The following SMOC2 variants were observed in gnomAD, a reference collection of about 807,000 sequenced individuals.
SMOC2 encodes the protein SPARC related modular calcium binding 2.
SMOC2 carries 39 observed loss-of-function variants against 61.4 expected under a neutral mutation model. The observed-to-expected ratio is 0.64, with a 90% CI of 0.49 to 0.83. The LOEUF is 0.83. Ranked by LOEUF, SMOC2 falls within the 40% of genes least tolerant of loss-of-function variation. The probability of loss-of-function intolerance (pLI) is 0.00; values close to 1 mark genes in which losing one functional copy is unlikely to be tolerated. For synonymous variants in SMOC2, 247 were observed against 239.9 expected (o/e 1.03, Z -0.27); for missense variants, 556 against 592.9 (o/e 0.94, Z 0.65).
chr6:168,499,924 T>G (rs1782683228), intron 1 of SMOC2, among the ~76,000 whole-genome samples: 1 of 152,066 alleles, frequency 6.6e-6, no homozygotes, highest in Non-Finnish European at 1.5e-5. Context: ...GATTGTTAGG[T>G]TAAAGGTACT....
Position 168,607,901 on chromosome 6 carries a change from C to T in SMOC2, c.825-256C>T, listed in dbSNP as rs191154455. On this transcript the variant is annotated intron_variant, in intron 8 of 12. Coordinates refer to ENST00000356284, the MANE Select transcript of SMOC2 (RefSeq NM_001166412.2). The stretch of plus-strand genomic sequence containing the variant: ...TGCTAGATGAGATTCATTTCAGAGA[C>T]GGGATGGAGAGACGGCCCTGCTGTG... 3.8e-3 allele frequency among the ~76,000 whole-genome samples: 358 copies of T among 93,870 alleles called. 2 individuals carry two copies. Among genetic ancestry groups the T allele is most frequent in the African/African-American group, 0.013 (333 of 25,332 alleles). 61.6% of individuals were successfully genotyped at this position (93,870 alleles called of 152,430 possible). A position where few individuals can be genotyped will look rare whatever the true frequency, so the allele number is the denominator to read the frequency against.
At chr6:168,511,684 G>A (rs914692493) in intron 2 of SMOC2, among the ~76,000 whole-genome samples, 6 of 152,238 alleles carry the variant, frequency 3.9e-5, no homozygotes, top group South Asian at 4.1e-4. Flanking sequence ...GTCTTTGCCC[G>A]GTGGCAAACT....
At chr6:168,656,385 C>T (rs1391869203) in intron 11 of SMOC2, among the ~76,000 whole-genome samples, 4 of 151,772 alleles carry the variant, frequency 2.6e-5, no homozygotes, top group African/African-American at 9.7e-5. Context: ...ATGGCTCATG[C>T]CTGTAGTCCC....
At chr6:168,444,808 CA>C (rs537897650) in intron 1 of SMOC2, among the ~76,000 whole-genome samples, 204 of 152,286 alleles carry the variant, frequency 1.3e-3, no homozygotes, top group African/African-American at 4.7e-3. Context: ...TCATGGTTGT[CA>C]TTATATGAAT....
rs1207587186 is a variant in SMOC2, at chr6:168,452,535, A to C, written c.84+11081A>C. Among the ~76,000 whole-genome samples the C allele has an allele frequency of 6.6e-6, 1 of 152,220 alleles. No homozygotes were observed. The highest frequency in any genetic ancestry group is 2.4e-5 in the African/African-American group (1 of 41,434). On this transcript the variant is annotated intron_variant, in intron 1 of 12. Coordinates refer to ENST00000356284, the MANE Select transcript of SMOC2 (RefSeq NM_001166412.2). The surrounding 1 kb of genome is among the most constrained non-coding windows in gnomAD (Gnocchi z 5.0). ...ATATTATATTTCAGTGTTCTCCAGT[A>C]ATAGGATTCTCAGACATGTGATTTT...
At chr6:168,518,121 G>C (rs1783189401) in intron 2 of SMOC2, among the ~76,000 whole-genome samples, 2 of 152,180 alleles carry the variant, frequency 1.3e-5, no homozygotes, top group Admixed American at 6.5e-5. Flanking sequence ...CCACAGCCTC[G>C]CCTTGGAGGA....
intron 9 of SMOC2, among the ~76,000 whole-genome samples, chr6:168,648,806 A>G (rs1787113706): frequency 6.6e-6 from 1 of 152,212 alleles, no homozygotes; most frequent in Admixed American, 6.5e-5. Context: ...GAGTCTTGCT[A>G]TCGGCAGCTC....
intron 1 of SMOC2, among the ~76,000 whole-genome samples, chr6:168,468,612 G>A (rs1265415407): frequency 6.6e-6 from 1 of 152,230 alleles, no homozygotes; most frequent in Non-Finnish European, 1.5e-5. Flanking sequence ...TCTGCACACA[G>A]CAACCTCCAC....
chr6:168,518,407 G>T (rs1026399470), intron 2 of SMOC2, among the ~76,000 whole-genome samples: 1 of 149,738 alleles, frequency 6.7e-6, no homozygotes, highest in Non-Finnish European at 1.5e-5. Context: ...GTATGCTTGT[G>T]TGTGAATGTG....
intron 11 of SMOC2, among the ~76,000 whole-genome samples, chr6:168,657,009 C>G (rs569078580): frequency 6.6e-6 from 1 of 152,310 alleles, no homozygotes; most frequent in African/African-American, 2.4e-5. Flanking sequence ...ATCAAGGACT[C>G]TTTGGCAAGT....
intron 9 of SMOC2, among the ~76,000 whole-genome samples, chr6:168,646,439 AGACAGGAGGC>A (rs1299409795): frequency 6.6e-6 from 1 of 152,248 alleles, no homozygotes; most frequent in Non-Finnish European, 1.5e-5. Context: ...ATTCGTGTCC[AGACAGGAGGC>A]GACTGAGGGA....
At chr6:168,633,227 T>A (rs572290568) in intron 9 of SMOC2, among the ~76,000 whole-genome samples, 1 of 152,378 alleles carries the variant, frequency 6.6e-6, no homozygotes, top group East Asian at 1.9e-4. Flanking sequence ...TTGAGGAATG[T>A]ATACATGTAA....
Position 168,547,126 on chromosome 6 carries a change from C to G in SMOC2, c.519C>G (p.Ala173=). The G allele has an allele frequency of 1.2e-6, 2 of 1,613,856 alleles. No homozygotes were observed. The highest frequency in any genetic ancestry group is 1.3e-5 in the African/African-American group (1 of 74,944). ...TTTCCGTTCTGAATTCAGATGATGC[C>G]GCAGCTCCAGCGTTGGAGACTCAGC... ...QREGTGKTDD[A]AAPALETQPQ... is the part of the protein sequence containing the mutation. The change falls in exon 6 of 13, where the codon GCC becomes GCG. Residue 173 remains alanine, a synonymous_variant. Transcript: ENST00000356284.
intron 5 of SMOC2, 71 bp from the exon 6 acceptor site, chr6:168,547,048 C>A (rs201342726): frequency 1.3e-6 from 2 of 1,579,004 alleles, no homozygotes; most frequent in African/African-American, 2.7e-5. Flanking sequence ...AGCATCCACC[C>A]GTATGCACAC....
intron 1 of SMOC2, among the ~76,000 whole-genome samples, chr6:168,465,030 A>AGCG (rs1781796803): frequency 6.6e-6 from 1 of 152,136 alleles, no homozygotes; most frequent in South Asian, 2.1e-4. Flanking sequence ...TACGTCCAGG[A>AGCG]GCGGCCCCAC....
At chr6:168,507,630 T>C (rs945756704) in intron 1 of SMOC2, among the ~76,000 whole-genome samples, 3 of 152,226 alleles carry the variant, frequency 2.0e-5, no homozygotes, top group Admixed American at 2.0e-4. Flanking sequence ...AGTCAATGCG[T>C]GTTGGTGACA....
intron 4 of SMOC2, among the ~76,000 whole-genome samples, chr6:168,538,410 G>T (rs1783794786): frequency 7.4e-6 from 1 of 135,158 alleles, no homozygotes. Context: ...TGGCATGTAG[G>T]GGAGTGGGGT....
At chr6:168,575,422 G>A (rs971735975) in intron 7 of SMOC2, among the ~76,000 whole-genome samples, 1 of 152,144 alleles carries the variant, frequency 6.6e-6, no homozygotes, top group African/African-American at 2.4e-5. Context: ...TGCATAGATA[G>A]CGCTTTACTG....
intron 1 of SMOC2, among the ~76,000 whole-genome samples, chr6:168,457,585 C>T (rs564051559): frequency 8.5e-5 from 13 of 152,314 alleles, no homozygotes; most frequent in South Asian, 2.1e-4. Flanking sequence ...ATGAGCCCCG[C>T]GTCACGTCCT....
Sources: allele counts gnomAD v4.1 joint callset (sites outside exome capture counted in the v4.1 genomes callset), GRCh38; gene constraint gnomAD v4.1.1; non-coding constraint Gnocchi (gnomAD v3.1); transcripts MANE v1.5; gene names NCBI Gene and HGNC (gene_info 2026-07-23, HGNC 2026-07-21).